KCNIP4: variants seen among roughly 807,000 people sequenced by gnomAD.
KCNIP4 encodes the protein potassium voltage-gated channel interacting protein 4.
KCNIP4 carries 12 observed loss-of-function variants against 34.0 expected under a neutral mutation model. The observed-to-expected ratio is 0.35, with a 90% CI of 0.23 to 0.57. The LOEUF (loss-of-function observed/expected upper bound fraction) is 0.57, where lower values mean the gene tolerates loss of function less well. Ranked by LOEUF, KCNIP4 falls within the 20% of genes least tolerant of loss-of-function variation. The pLI is 0.83. For missense variants in KCNIP4, 238 were observed against 311.7 expected, an observed-to-expected ratio of 0.76 and a Z score of 1.78; for synonymous variants, 124 against 102.2, an observed-to-expected ratio of 1.21 and a Z score of -1.29.
At chr4:20,816,854 A>C (rs548074886) in intron 3 of KCNIP4, among the ~76,000 whole-genome samples, 2 of 152,330 alleles carry the variant, frequency 1.3e-5, no homozygotes, top group East Asian at 3.9e-4. Flanking sequence ...CTCATGCTCA[A>C]TCAGCTATTC....
intron 1 of KCNIP4, among the ~76,000 whole-genome samples, chr4:21,323,158 ATATATG>A (rs59624410): frequency 0.18 from 17,958 of 101,348 alleles, 1,422 homozygotes; most frequent in South Asian, 0.32. Context: ...ATATATATAT[ATATATG>A]TATATATATA....
At chr4:21,835,635 GTA>G (rs958923529) in intron 1 of KCNIP4, among the ~76,000 whole-genome samples, 1 of 151,452 alleles carries the variant, frequency 6.6e-6, no homozygotes, top group African/African-American at 2.4e-5. Context: ...AATCTTACTT[GTA>G]TATGTTTCCA....
intron 1 of KCNIP4, among the ~76,000 whole-genome samples, chr4:21,320,773 C>G (rs567674536): frequency 5.3e-5 from 8 of 151,950 alleles, no homozygotes; most frequent in Non-Finnish European, 1.0e-4. Flanking sequence ...GAATTTCAGA[C>G]CAGCCTGGCC....
intron 1 of KCNIP4, among the ~76,000 whole-genome samples, chr4:21,380,241 A>G (rs1227219254): frequency 6.6e-6 from 1 of 152,102 alleles, no homozygotes; most frequent in Non-Finnish European, 1.5e-5. Flanking sequence ...TTACTAAAAA[A>G]CTTCCTAAGA....
intron 1 of KCNIP4, among the ~76,000 whole-genome samples, chr4:21,381,180 G>A (rs750725281): frequency 4.6e-5 from 7 of 152,184 alleles, no homozygotes; most frequent in Non-Finnish European, 7.3e-5. Flanking sequence ...ATTTCTTCCA[G>A]TTACCCCACT....
intron 1 of KCNIP4, among the ~76,000 whole-genome samples, chr4:21,269,057 A>G (rs1761985036): frequency 6.6e-6 from 1 of 152,226 alleles, no homozygotes; most frequent in East Asian, 1.9e-4. Context: ...ACAGTGGAAG[A>G]GGCCTTGTAT....
At chr4:21,470,468 G>A (rs1730365463) in intron 1 of KCNIP4, among the ~76,000 whole-genome samples, 1 of 152,166 alleles carries the variant, frequency 6.6e-6, no homozygotes, top group Non-Finnish European at 1.5e-5. Flanking sequence ...TTCTACAGAT[G>A]AGAAAATTGA....
At chr4:20,853,756 A>G (rs1721283855) in intron 2 of KCNIP4, among the ~76,000 whole-genome samples, 2 of 152,226 alleles carry the variant, frequency 1.3e-5, no homozygotes, top group African/African-American at 4.8e-5. Context: ...ACATCTGACA[A>G]AGGATTAATA....
intron 1 of KCNIP4, among the ~76,000 whole-genome samples, chr4:21,048,611 GCTGGTACACA>G (rs1252065320): frequency 1.3e-5 from 2 of 152,150 alleles, no homozygotes; most frequent in African/African-American, 4.8e-5. Flanking sequence ...TAGAACAGTG[GCTGGTACACA>G]CTGGTACACA....
At chr4:21,555,384 G>T (rs1325089242) in intron 1 of KCNIP4, among the ~76,000 whole-genome samples, 1 of 152,166 alleles carries the variant, frequency 6.6e-6, no homozygotes, top group Non-Finnish European at 1.5e-5. Flanking sequence ...GCAGTGAAAA[G>T]AGTCTGCTTT....
intron 1 of KCNIP4, among the ~76,000 whole-genome samples, chr4:20,888,429 A>G (rs1725556628): frequency 6.6e-6 from 1 of 152,142 alleles, no homozygotes; most frequent in South Asian, 2.1e-4. Flanking sequence ...TAGAATGTAC[A>G]TATATGCTTC....
intron 1 of KCNIP4, among the ~76,000 whole-genome samples, chr4:21,894,558 T>C (rs1727276218): frequency 6.6e-6 from 1 of 152,122 alleles, no homozygotes; most frequent in African/African-American, 2.4e-5. Flanking sequence ...AACATAGAGA[T>C]AATATGTCAT....
At chr4:20,959,863 A>C (rs1733681832) in intron 1 of KCNIP4, among the ~76,000 whole-genome samples, 1 of 152,230 alleles carries the variant, frequency 6.6e-6, no homozygotes, top group African/African-American at 2.4e-5. Context: ...AATCTGTAAG[A>C]TGAGGAAAAT....
At chr4:21,778,940 C>T (rs1222769622) in intron 1 of KCNIP4, among the ~76,000 whole-genome samples, 4 of 151,706 alleles carry the variant, frequency 2.6e-5, no homozygotes, top group Admixed American at 2.6e-4. Flanking sequence ...GCATTAGTAC[C>T]CACTTCCTAG....
intron 1 of KCNIP4, among the ~76,000 whole-genome samples, chr4:21,934,460 C>T (rs538678199): frequency 6.6e-6 from 1 of 152,176 alleles, no homozygotes; most frequent in African/African-American, 2.4e-5. Flanking sequence ...GCTCCACCTT[C>T]AACACTGGAA....
At chr4:21,366,468 G>T (rs1164526287) in intron 1 of KCNIP4, among the ~76,000 whole-genome samples, 1 of 152,198 alleles carries the variant, frequency 6.6e-6, no homozygotes, top group African/African-American at 2.4e-5. Flanking sequence ...GAGAGCTCAA[G>T]ATTCTTGCTC....
intron 1 of KCNIP4, among the ~76,000 whole-genome samples, chr4:21,009,271 A>G (rs1323944666): frequency 6.6e-6 from 1 of 152,230 alleles, no homozygotes; most frequent in Non-Finnish European, 1.5e-5. Context: ...CTCAATACAT[A>G]CTTATCCAAT....
At chr4:21,202,009 A>T (rs890577194) in intron 1 of KCNIP4, among the ~76,000 whole-genome samples, 1 of 152,236 alleles carries the variant, frequency 6.6e-6, no homozygotes, top group Non-Finnish European at 1.5e-5. Context: ...ATGCTTATGC[A>T]CTATTGGTGG....
At chr4:21,183,555 C>T (rs891313398) in intron 1 of KCNIP4, among the ~76,000 whole-genome samples, 8 of 151,400 alleles carry the variant, frequency 5.3e-5, no homozygotes, top group African/African-American at 9.7e-5. Context: ...CTCACTGCAC[C>T]TCTGCATAAT....
Sources: gnomAD v4.1 joint callset for allele counts (sites outside exome capture counted in the v4.1 genomes callset) on GRCh38, gnomAD v4.1.1 for gene constraint, MANE v1.5 for transcripts, NCBI Gene and HGNC (gene_info 2026-07-23, HGNC 2026-07-21) for gene names.